XRCC4: variants seen among roughly 807,000 people sequenced by gnomAD.
XRCC4 encodes DNA repair protein XRCC4.
In XRCC4, 28 loss-of-function variants were observed where a neutral mutation model predicts 39.1. That is an observed-to-expected ratio of 0.72 (90% confidence interval 0.53 to 0.98). The LOEUF (loss-of-function observed/expected upper bound fraction) is 0.98, where lower values mean the gene tolerates loss of function less well. Ranked by LOEUF, XRCC4 falls within the 50% of genes least tolerant of loss-of-function variation. The pLI is 0.00. For synonymous variants in XRCC4, 123 were observed against 126.4 expected (o/e 0.97, Z 0.18); for missense variants, 350 against 376.4 (o/e 0.93, Z 0.58).
intron 3 of XRCC4, among the ~76,000 whole-genome samples, chr5:83,184,172 ATAAAAT>A (rs1430981993): frequency 1.3e-5 from 2 of 152,144 alleles, no homozygotes; most frequent in African/African-American, 4.8e-5. Context: ...GAAACCAAAC[ATAAAAT>A]TAACATACTA....
intron 3 of XRCC4, among the ~76,000 whole-genome samples, chr5:83,120,160 T>C (rs578084970): frequency 1.6e-4 from 25 of 152,332 alleles, no homozygotes; most frequent in Middle Eastern, 6.8e-3. Flanking sequence ...GCATGCAATC[T>C]CATACTTCAT....
chr5:83,325,328 GGGTACATGTGCAGGACATGCA>G (rs1227447802), intron 7 of XRCC4, among the ~76,000 whole-genome samples: 1 of 151,768 alleles, frequency 6.6e-6, no homozygotes, highest in Non-Finnish European at 1.5e-5. Flanking sequence ...TTAAGTTCAG[GGGTACATGTGCAGGACATGCA>G]GGTTTGATAC....
At chr5:83,130,947 G>A (rs1035158728) in intron 3 of XRCC4, among the ~76,000 whole-genome samples, 2 of 151,982 alleles carry the variant, frequency 1.3e-5, no homozygotes, top group African/African-American at 4.8e-5. Flanking sequence ...TTTTTTAAGG[G>A]TTTTTTGTGT....
chr5:83,273,217 T>C (rs1407874322), intron 7 of XRCC4, among the ~76,000 whole-genome samples: 1 of 152,258 alleles, frequency 6.6e-6, no homozygotes, highest in Non-Finnish European at 1.5e-5. Context: ...GCTGCATAAA[T>C]GTCTTCTTTT....
chr5:83,328,776 A>G (rs969118130), intron 7 of XRCC4, among the ~76,000 whole-genome samples: 2 of 152,138 alleles, frequency 1.3e-5, no homozygotes, highest in African/African-American at 2.4e-5. Context: ...AAAGCAAGAT[A>G]TTAGCACTGG....
At chr5:83,161,858 T>C (rs1749227838) in intron 3 of XRCC4, among the ~76,000 whole-genome samples, 1 of 152,220 alleles carries the variant, frequency 6.6e-6, no homozygotes, top group Admixed American at 6.5e-5. Flanking sequence ...GGAATTGTTA[T>C]CTCAAATTCT....
intron 3 of XRCC4, among the ~76,000 whole-genome samples, chr5:83,114,290 T>C (rs192171237): frequency 8.6e-4 from 131 of 152,320 alleles, no homozygotes; most frequent in African/African-American, 2.9e-3. Context: ...TTATTACTTA[T>C]GCAAATTTAT....
intron 6 of XRCC4, among the ~76,000 whole-genome samples, chr5:83,220,712 A>G (rs1288806653): frequency 6.6e-6 from 1 of 152,168 alleles, no homozygotes; most frequent in Non-Finnish European, 1.5e-5. Context: ...GAGAAATAGT[A>G]AACCTAGTTA....
intron 7 of XRCC4, among the ~76,000 whole-genome samples, chr5:83,322,504 A>T (rs960194029): frequency 6.6e-6 from 1 of 152,142 alleles, no homozygotes. Flanking sequence ...ATCTCCCCCA[A>T]CCGCCGCATG....
chr5:83,354,121 C>A (rs1184392645), downstream of XRCC4, among the ~76,000 whole-genome samples: 2 of 152,204 alleles, frequency 1.3e-5, no homozygotes, highest in Non-Finnish European at 2.9e-5. Context: ...GTTGCTAAAT[C>A]CAGTGGTTGA....
intron 7 of XRCC4, among the ~76,000 whole-genome samples, chr5:83,286,530 G>A (rs1247905449): frequency 6.6e-6 from 1 of 152,102 alleles, no homozygotes. Flanking sequence ...AGTTAATGCT[G>A]CAGTCTTGAG....
chr5:83,150,328 G>A (rs1228690459), intron 3 of XRCC4, among the ~76,000 whole-genome samples: 2 of 152,110 alleles, frequency 1.3e-5, no homozygotes, highest in East Asian at 1.9e-4. Flanking sequence ...GTCTCATAAT[G>A]AAGTCAGTGT....
intron 7 of XRCC4, among the ~76,000 whole-genome samples, chr5:83,321,804 A>G (rs1756084869): frequency 6.6e-6 from 1 of 151,926 alleles, no homozygotes; most frequent in South Asian, 2.1e-4. Context: ...TTTATCTATG[A>G]TCAAAATGCA....
chr5:83,220,732 A>T (rs531805970), intron 6 of XRCC4, among the ~76,000 whole-genome samples: 2 of 152,126 alleles, frequency 1.3e-5, no homozygotes, highest in Non-Finnish European at 2.9e-5. Flanking sequence ...AACACCCAGG[A>T]TTTTTTGAGG....
At chr5:83,302,485 C>T (rs1028408298) in intron 7 of XRCC4, among the ~76,000 whole-genome samples, 2 of 152,128 alleles carry the variant, frequency 1.3e-5, no homozygotes, top group Non-Finnish European at 2.9e-5. Context: ...GACACAATGC[C>T]CCACCCTGCT....
intron 7 of XRCC4, among the ~76,000 whole-genome samples, chr5:83,336,610 A>G (rs192961987): frequency 5.3e-5 from 8 of 152,312 alleles, no homozygotes; most frequent in African/African-American, 1.9e-4. Context: ...ATAGCCAGAT[A>G]TAAGAGATTT....
chr5:83,193,859 T>G (rs1750819921), intron 3 of XRCC4, among the ~76,000 whole-genome samples: 1 of 152,190 alleles, frequency 6.6e-6, no homozygotes, highest in African/African-American at 2.4e-5. Flanking sequence ...GTAAGCTTAT[T>G]TTTTTCTCCT....
chr5:83,082,562 C>G (rs148368137), intron 1 of XRCC4, among the ~76,000 whole-genome samples: 1 of 152,236 alleles, frequency 6.6e-6, no homozygotes, highest in Non-Finnish European at 1.5e-5. Flanking sequence ...TGCTTAAAAA[C>G]CTTTCGTGAA....
At chr5:83,129,599 T>C (rs898943030) in intron 3 of XRCC4, among the ~76,000 whole-genome samples, 10 of 152,122 alleles carry the variant, frequency 6.6e-5, no homozygotes, top group African/African-American at 2.2e-4. Context: ...TGATTCTTCC[T>C]ATCCATGAGC....
Sources: allele counts gnomAD v4.1 joint callset (sites outside exome capture counted in the v4.1 genomes callset), GRCh38; gene constraint gnomAD v4.1.1; transcripts MANE v1.5; gene names NCBI Gene and HGNC (gene_info 2026-07-23, HGNC 2026-07-21).